The following FAM81A variants were observed in gnomAD, a reference collection of about 807,000 sequenced individuals.
FAM81A encodes family with sequence similarity 81 member A.
In FAM81A, 19 loss-of-function variants were observed where a neutral mutation model predicts 46.7. That is an observed-to-expected ratio of 0.41 (90% CI 0.28 to 0.60). FAM81A has a LOEUF of 0.60. FAM81A is among the 20% of genes least tolerant of loss of function. FAM81A has a pLI of 0.34. For synonymous variants in FAM81A, 183 were observed against 152.9 expected, an observed-to-expected ratio of 1.20 and a Z score of -1.45; for missense variants, 377 against 453.5, an observed-to-expected ratio of 0.83 and a Z score of 1.53.
chr15:59,398,759 GAAAAAAAA>G (rs71119468), intron 1 of FAM81A, among the ~76,000 whole-genome samples: 834 of 41,326 alleles, frequency 0.02, 6 homozygotes, highest in African/African-American at 0.087. Context: ...CTCTGTCTCA[GAAAAAAAA>G]AAAAAAAAAA....
chr15:59,502,617 G>C (rs1410826017), intron 4 of FAM81A, among the ~76,000 whole-genome samples: 1 of 151,640 alleles, frequency 6.6e-6, no homozygotes, highest in Admixed American at 6.6e-5. Context: ...GGGTTCAAGC[G>C]ATTCTCCTGC....
At chr15:59,418,955 T>G (rs2081158809) in intron 2 of FAM81A, among the ~76,000 whole-genome samples, 1 of 152,184 alleles carries the variant, frequency 6.6e-6, no homozygotes, top group African/African-American at 2.4e-5. Context: ...ATCTACAATT[T>G]GATTTCTGAA....
upstream of FAM81A, among the ~76,000 whole-genome samples, chr15:59,433,510 A>T (rs1391903635): frequency 6.6e-6 from 1 of 152,226 alleles, no homozygotes; most frequent in Non-Finnish European, 1.5e-5. Context: ...GAGATGGATT[A>T]GCCACCAATG....
At chr15:59,496,325 G>A (rs191563535) in intron 4 of FAM81A, among the ~76,000 whole-genome samples, 2 of 152,250 alleles carry the variant, frequency 1.3e-5, no homozygotes, top group East Asian at 1.9e-4. Context: ...ATCACTTGGC[G>A]GCCGGGAGCG....
intron 2 of FAM81A, among the ~76,000 whole-genome samples, chr15:59,428,489 G>A (rs938577576): frequency 1.3e-4 from 20 of 150,266 alleles, no homozygotes; most frequent in Non-Finnish European, 2.7e-4. Flanking sequence ...TGCCCAGGCT[G>A]GTCTCAAATT....
At chr15:59,469,792 T>C (rs1005434558) in intron 3 of FAM81A, among the ~76,000 whole-genome samples, 4 of 152,230 alleles carry the variant, frequency 2.6e-5, no homozygotes, top group African/African-American at 9.6e-5. Flanking sequence ...CGTTAGTTGA[T>C]GCAGTTTCTT....
At position 59,460,728 on chromosome 15, in the gene FAM81A, AT is replaced by A. The variant is rs2081541797; in HGVS notation, c.294+527del. ...GACCAATAAAAGGCCAATATTGTCT[AT>A]TTTTAGAATTGGTAGATTTACTGCT... On this transcript the variant is annotated intron_variant, in intron 3 of 8. Coordinates refer to ENST00000288228, the MANE Select transcript of FAM81A (RefSeq NM_152450.3). This position sits in a 1 kb window ranked among gnomAD's most constrained non-coding sequence, Gnocchi z 4.4. 5.1e-6 allele frequency: 1 copy of A among 194,282 alleles called. No individual in the cohort carries two copies. The highest frequency in any genetic ancestry group is 1.1e-5 in the Non-Finnish European group (1 of 93,834). 12.0% of individuals were successfully genotyped at this position (194,282 alleles called of 1,614,324 possible).
intron 3 of FAM81A, among the ~76,000 whole-genome samples, chr15:59,476,860 A>C: frequency 6.6e-6 from 1 of 151,580 alleles, no homozygotes; most frequent in Middle Eastern, 3.4e-3. Context: ...GGTGGCTCAC[A>C]CCTGTAATCC....
intron 1 of FAM81A, among the ~76,000 whole-genome samples, chr15:59,457,679 T>C (rs1380965111): frequency 6.6e-6 from 1 of 152,184 alleles, no homozygotes; most frequent in Non-Finnish European, 1.5e-5. Context: ...TTTAAAGTTC[T>C]TTGTCTAAGA....
intron 4 of FAM81A, among the ~76,000 whole-genome samples, chr15:59,496,530 G>C (rs2082035769): frequency 6.6e-6 from 1 of 152,128 alleles, no homozygotes; most frequent in African/African-American, 2.4e-5. Flanking sequence ...ACTTGAACCT[G>C]GGAGGCGGAG....
chr15:59,409,050 C>A (rs1246863394), intron 2 of FAM81A: 1 of 152,128 alleles, frequency 6.6e-6, no homozygotes. Context: ...AAAATTAAAA[C>A]GTCATCAAAA....
intron 3 of FAM81A, among the ~76,000 whole-genome samples, chr15:59,477,739 T>C (rs958411815): frequency 5.9e-5 from 9 of 152,200 alleles, no homozygotes; most frequent in African/African-American, 1.9e-4. Context: ...AACCCTATAA[T>C]TATTGCTTAT....
At chr15:59,480,275 C>T (rs2081833158) in intron 3 of FAM81A, among the ~76,000 whole-genome samples, 1 of 152,172 alleles carries the variant, frequency 6.6e-6, no homozygotes. Flanking sequence ...AATTATACTT[C>T]CTCATTTCCA....
chr15:59,459,294 T>C (rs1409411811), intron 2 of FAM81A, among the ~76,000 whole-genome samples: 1 of 152,208 alleles, frequency 6.6e-6, no homozygotes, highest in Non-Finnish European at 1.5e-5. Context: ...GCCACTGTGC[T>C]GGCCTTAAAT....
chr15:59,500,115 A>G (rs1253592189), intron 4 of FAM81A, among the ~76,000 whole-genome samples: 1 of 151,030 alleles, frequency 6.6e-6, no homozygotes, highest in Non-Finnish European at 1.5e-5. Flanking sequence ...AGCTTCCCAA[A>G]GTGCTGGGAT....
In FAM81A at chr15:59,507,331, G is replaced by A. The variant is rs748276134; in HGVS notation, c.532G>A (p.Ala178Thr). 9.9e-6 allele frequency: 16 copies of A among 1,612,144 alleles called. No individual in the cohort carries two copies. The South Asian group carries it at 1.4e-4, about 14-fold the overall frequency. Reference sequence around the variant, plus strand: ...TATCTTGGAAACGAAAATCAAAGATGCAGAGGGACAGGTACGACCTGTTTC... The same window carrying A: ...TATCTTGGAAACGAAAATCAAAGATACAGAGGGACAGGTACGACCTGTTTC... The part of the protein sequence containing the change: ...KLILETKIKD[A>T]EGQISQLLNR... Residue 178 changes from alanine to threonine, a missense_variant, in exon 5 of 9, where the codon GCA (alanine) becomes ACA (threonine). Transcript: ENST00000288228.
chr15:59,478,577 C>T lies in FAM81A; in HGVS notation c.295-13694C>T, dbSNP rs146238438. Among the ~76,000 whole-genome samples, 656 of 152,258 alleles carry T rather than the reference C, an allele frequency of 4.3e-3. 6 individuals carry two copies. Among genetic ancestry groups the T allele is most frequent in the African/African-American group, 0.015 (627 of 41,544 alleles). ...TTTTACTGAAAAAGGGAATTTCAGCCTGCAGCTCTGTGATCTGGTTCTATT... is the reference window on the plus strand; with the variant it reads ...TTTTACTGAAAAAGGGAATTTCAGCTTGCAGCTCTGTGATCTGGTTCTATT... On this transcript the variant is annotated intron_variant, in intron 3 of 8. Transcript: ENST00000288228.
At chr15:59,413,525 GGGATATAATCT>G (rs1163541297) in intron 2 of FAM81A, among the ~76,000 whole-genome samples, 1 of 151,844 alleles carries the variant, frequency 6.6e-6, no homozygotes, top group Non-Finnish European at 1.5e-5. Context: ...CTTATTTCAG[GGGATATAATCT>G]TGGGCAAATC....
intron 3 of FAM81A, among the ~76,000 whole-genome samples, chr15:59,483,479 T>C (rs1596514483): frequency 6.6e-6 from 1 of 152,134 alleles, no homozygotes; most frequent in Admixed American, 6.5e-5. Flanking sequence ...TCTTTATGTA[T>C]GTTATACTTC....
Sources: allele counts gnomAD v4.1 joint callset (sites outside exome capture counted in the v4.1 genomes callset), GRCh38; gene constraint gnomAD v4.1.1; non-coding constraint Gnocchi (gnomAD v3.1); transcripts MANE v1.5; gene names NCBI Gene and HGNC (gene_info 2026-07-23, HGNC 2026-07-21).